ASAP2: variants seen among roughly 807,000 people sequenced by gnomAD.
ASAP2 encodes the protein arf-GAP with SH3 domain, ANK repeat and PH domain-containing protein 2.
Under a neutral mutation model 131.4 loss-of-function variants are expected in ASAP2, and 45 were observed. The observed-to-expected ratio is 0.34, with a 90% CI of 0.27 to 0.44. The LOEUF is 0.44. ASAP2 is among the 20% of genes least tolerant of loss of function. The probability of loss-of-function intolerance (pLI) is 1.00; values close to 1 mark genes in which losing one functional copy is unlikely to be tolerated. For synonymous variants in ASAP2, 510 were observed against 503.0 expected, an observed-to-expected ratio of 1.01 and a Z score of -0.19; for missense variants, 1,011 against 1,297.0, an observed-to-expected ratio of 0.78 and a Z score of 3.39.
intron 15 of ASAP2, among the ~76,000 whole-genome samples, chr2:9,365,873 C>T (rs922756234): frequency 1.3e-5 from 2 of 152,196 alleles, no homozygotes; most frequent in African/African-American, 4.8e-5. Flanking sequence ...GCTCCTGAGG[C>T]CACAGGAAGG....
chr2:9,209,062 CAGG>C (rs1661350100), intron 1 of ASAP2, among the ~76,000 whole-genome samples: 1 of 152,152 alleles, frequency 6.6e-6, no homozygotes, highest in Non-Finnish European at 1.5e-5. Flanking sequence ...GTATGCTGTG[CAGG>C]AGATTACCCT....
chr2:9,384,893 C>T (rs11894514), intron 20 of ASAP2, among the ~76,000 whole-genome samples: 1 of 152,086 alleles, frequency 6.6e-6, no homozygotes, highest in Non-Finnish European at 1.5e-5. Flanking sequence ...AAGTGGGGGA[C>T]GATAAGAGTC....
chr2:9,262,198 G>A (rs897715507), intron 1 of ASAP2, among the ~76,000 whole-genome samples: 1 of 152,118 alleles, frequency 6.6e-6, no homozygotes, highest in Non-Finnish European at 1.5e-5. Flanking sequence ...TGTATTAGTG[G>A]AAATGAAAGG....
chr2:9,277,780 G>A (rs907969836), intron 1 of ASAP2, among the ~76,000 whole-genome samples: 32 of 152,170 alleles, frequency 2.1e-4, no homozygotes, highest in Admixed American at 6.5e-4. Flanking sequence ...TTGGACAAAT[G>A]TATAATGACA....
At chr2:9,297,856 A>T (rs1288215365) in intron 3 of ASAP2, among the ~76,000 whole-genome samples, 2 of 152,232 alleles carry the variant, frequency 1.3e-5, no homozygotes, top group African/African-American at 4.8e-5. Flanking sequence ...TAATCAAAGC[A>T]CAGAAATTAC....
Position 9,404,882 on chromosome 2 carries a change from TTTTG to T in ASAP2, c.*1559_*1562del, listed in dbSNP as rs1677083270. The T allele has an allele frequency of 1.3e-5, 2 of 152,674 alleles. No homozygotes were observed. Among genetic ancestry groups the T allele is most frequent in the East Asian group, 1.9e-4 (1 of 5,188 alleles). 9.5% of individuals were successfully genotyped at this position (152,674 alleles called of 1,614,324 possible). On this transcript the variant is annotated 3_prime_UTR_variant, in exon 28 of 28. Transcript: ENST00000281419. ...ATGTGTTATATCTGTAGTTTTTTGT[TTTTG>T]TTTTTTTTTAAAGCACTACATCTGT...
chr2:9,385,729 A>G (rs1675210253), intron 21 of ASAP2, among the ~76,000 whole-genome samples: 1 of 152,178 alleles, frequency 6.6e-6, no homozygotes, highest in Admixed American at 6.5e-5. Flanking sequence ...CTCCTGGTTG[A>G]TCTTATAAAA....
intron 25 of ASAP2, 99 bp from the exon 26 acceptor site, chr2:9,400,643 G>GA: frequency 8.9e-7 from 1 of 1,126,980 alleles, no homozygotes; most frequent in Non-Finnish European, 1.3e-6. Context: ...AACACCTGGG[G>GA]AAACCTGCTT....
chr2:9,235,587 A>G (rs1027887605), intron 1 of ASAP2, among the ~76,000 whole-genome samples: 17 of 152,172 alleles, frequency 1.1e-4, no homozygotes, highest in Non-Finnish European at 1.9e-4. Context: ...AGTAAAGAGA[A>G]ATGGAGGAGG....
intron 3 of ASAP2, among the ~76,000 whole-genome samples, chr2:9,309,324 T>C (rs945793313): frequency 6.6e-6 from 1 of 152,148 alleles, no homozygotes; most frequent in African/African-American, 2.4e-5. Flanking sequence ...CGCAACTACA[T>C]GAATGAATCG....
In ASAP2 at chr2:9,234,370, C is replaced by T. The variant is rs143584385; in HGVS notation, c.126+27140C>T. ...GAGAAAACCCGGGGAGAACATTTAGCCAGAGCCTGTCGCATGGCTGGGGCT... is the reference window on the plus strand; with the variant it reads ...GAGAAAACCCGGGGAGAACATTTAGTCAGAGCCTGTCGCATGGCTGGGGCT... On this transcript the variant is annotated intron_variant, in intron 1 of 27. Coordinates refer to ENST00000281419, the MANE Select transcript of ASAP2 (RefSeq NM_003887.3). Among the ~76,000 whole-genome samples, 464 of 152,218 alleles carry T rather than the reference C, an allele frequency of 3.0e-3. 5 individuals are homozygous for T. Among genetic ancestry groups the T allele is most frequent in the African/African-American group, 0.01 (436 of 41,546 alleles).
intron 24 of ASAP2, among the ~76,000 whole-genome samples, chr2:9,393,905 A>G (rs575695283): frequency 1.3e-5 from 2 of 152,254 alleles, no homozygotes; most frequent in South Asian, 2.1e-4. Context: ...TCTGGGTTCT[A>G]TTTGCTGCTC....
intron 20 of ASAP2, among the ~76,000 whole-genome samples, chr2:9,382,124 C>T (rs949972943): frequency 2.6e-5 from 4 of 151,788 alleles, no homozygotes; most frequent in African/African-American, 7.3e-5. Context: ...ACTCGGATTA[C>T]AGGCACCTGC....
chr2:9,253,497 T>G (rs1664873240), intron 1 of ASAP2, among the ~76,000 whole-genome samples: 1 of 152,124 alleles, frequency 6.6e-6, no homozygotes, highest in Non-Finnish European at 1.5e-5. Flanking sequence ...GTTTAGTGGG[T>G]TTTGTGAAAT....
intron 7 of ASAP2, among the ~76,000 whole-genome samples, chr2:9,333,915 T>G (rs1374622883): frequency 3.9e-5 from 6 of 152,126 alleles, no homozygotes; most frequent in Admixed American, 6.6e-5. Flanking sequence ...AAAATTCCTC[T>G]TGATATTTGA....
At chr2:9,376,806 GAT>G in intron 17 of ASAP2, 100 bp from the exon 18 acceptor site, 1 of 1,068,292 alleles carries the variant, frequency 9.4e-7, no homozygotes, top group Non-Finnish European at 1.4e-6. Flanking sequence ...CGAAGGGAAA[GAT>G]AAAAGACTTT....
In ASAP2 at chr2:9,265,813, C is replaced by A. The variant is rs948603873; in HGVS notation, c.127-13504C>A. Among the ~76,000 whole-genome samples the A allele has an allele frequency of 3.5e-4, 54 of 152,266 alleles. 1 individual carries two copies. The highest frequency in any genetic ancestry group is 7.2e-4 in the Admixed American group (11 of 15,294). On this transcript the variant is annotated intron_variant, in intron 1 of 27. Transcript: ENST00000281419. ...TTGAGACGGAGTTTCACTCTTGTTGCCAAAGCTGGAGTGCAATGGCACGAT... is the reference window on the plus strand; with the variant it reads ...TTGAGACGGAGTTTCACTCTTGTTGACAAAGCTGGAGTGCAATGGCACGAT...
At chr2:9,372,776 A>G (rs1020768998) in intron 16 of ASAP2, among the ~76,000 whole-genome samples, 2 of 151,658 alleles carry the variant, frequency 1.3e-5, no homozygotes, top group Admixed American at 6.6e-5. Context: ...CCTGAACAGG[A>G]CCCCGTCCCA....
intron 15 of ASAP2, among the ~76,000 whole-genome samples, chr2:9,364,957 CAG>C (rs1164369355): frequency 1.3e-5 from 2 of 152,192 alleles, no homozygotes; most frequent in Non-Finnish European, 2.9e-5. Flanking sequence ...TTCCAACTAT[CAG>C]ACTCCAGAGC....
Sources: allele counts gnomAD v4.1 joint callset (sites outside exome capture counted in the v4.1 genomes callset), GRCh38; gene constraint gnomAD v4.1.1; transcripts MANE v1.5; gene names NCBI Gene and HGNC (gene_info 2026-07-23, HGNC 2026-07-21).